Variants in AHCY observed in about 807,000 individuals in gnomAD.
AHCY encodes adenosylhomocysteinase.
AHCY carries 24 observed loss-of-function variants against 45.4 expected under a neutral mutation model. That is an observed-to-expected ratio of 0.53 (90% confidence interval 0.38 to 0.74). AHCY has a LOEUF of 0.74. Ranked by LOEUF, AHCY falls within the 30% of genes least tolerant of loss-of-function variation. The pLI is 0.00. For missense variants in AHCY, 449 were observed against 594.1 expected (o/e 0.76, Z 2.54); for synonymous variants, 245 against 235.1 (o/e 1.04, Z -0.39).
chr20:34,295,275 C>T (rs1438528790), intron 2 of AHCY, 120 bp downstream of exon 2: 1 of 1,218,058 alleles, frequency 8.2e-7, no homozygotes. Context: ...AGGGAGGAAC[C>T]CCTCCAGGCC....
intron 3 of AHCY, chr20:34,293,816 C>A: frequency 1.9e-6 from 1 of 534,490 alleles, no homozygotes; most frequent in Non-Finnish European, 3.4e-6. Flanking sequence ...ACTTCCCCTC[C>A]GCTTCATCAT....
the AHCY span, among the ~76,000 whole-genome samples, chr20:34,258,262 C>T: frequency 4.6e-5 from 7 of 151,456 alleles, no homozygotes; most frequent in African/African-American, 1.2e-4. Context: ...ACAATCTAGA[C>T]GGAGTTGGCA....
chr20:34,284,676 A>G (rs989855605), intron 9 of AHCY, among the ~76,000 whole-genome samples: 5 of 152,170 alleles, frequency 3.3e-5, no homozygotes, highest in Admixed American at 2.0e-4. Flanking sequence ...CAAAAAAATT[A>G]GCCAAGTGTG....
chr20:34,234,435 G>T, the AHCY span, among the ~76,000 whole-genome samples: 1 of 152,112 alleles, frequency 6.6e-6, no homozygotes, highest in Admixed American at 6.6e-5. Flanking sequence ...TGTGGTTGAG[G>T]CCAGGCATCC....
intron 1 of AHCY, 68 bp downstream of exon 1, chr20:34,303,174 GC>G: frequency 6.5e-7 from 1 of 1,547,784 alleles, no homozygotes; most frequent in Non-Finnish European, 8.7e-7. Flanking sequence ...CGGCCCTGCA[GC>G]CCCCGCCACG....
intron 1 of AHCY, among the ~76,000 whole-genome samples, chr20:34,298,606 G>A (rs111753208): frequency 5.5e-4 from 60 of 109,780 alleles, no homozygotes; most frequent in African/African-American, 2.2e-3. Context: ...TGGCGGCGGC[G>A]GGAGGGGGGG....
At chr20:34,235,857 GAAGGAAGGA>G in the AHCY span, among the ~76,000 whole-genome samples, 106 of 45,386 alleles carry the variant, frequency 2.3e-3, 3 homozygotes, top group African/African-American at 0.025. Context: ...AGGAAGGAAG[GAAGGAAGGA>G]AAGGAAGGAA....
chr20:34,268,950 G>A, the AHCY span: 31 of 1,563,624 alleles, frequency 2.0e-5, no homozygotes, highest in South Asian at 3.3e-4. Flanking sequence ...CCGGAGGGGT[G>A]GGCGTGGCCG....
At chr20:34,295,620 C>A (rs2036555073) in intron 1 of AHCY, 35 bp from the exon 2 acceptor site, 2 of 1,606,566 alleles carry the variant, frequency 1.2e-6, no homozygotes, top group Admixed American at 3.4e-5. Context: ...TCCGTGAGTC[C>A]CCTCATCCCA....
At chr20:34,300,895 A>C (rs1202686893) in intron 1 of AHCY, among the ~76,000 whole-genome samples, 1 of 152,192 alleles carries the variant, frequency 6.6e-6, no homozygotes, top group Non-Finnish European at 1.5e-5. Context: ...AATGGAGACA[A>C]TACTACTTTA....
chr20:34,279,464 G>C (rs564010954), downstream of AHCY, among the ~76,000 whole-genome samples: 3 of 151,954 alleles, frequency 2.0e-5, no homozygotes, highest in South Asian at 6.2e-4. Context: ...CTTGCACCAT[G>C]CCTGTCACCC....
At chr20:34,247,932 G>A in the AHCY span, among the ~76,000 whole-genome samples, 3 of 152,178 alleles carry the variant, frequency 2.0e-5, no homozygotes, top group Admixed American at 6.5e-5. Context: ...AAGGCCGGGC[G>A]CAGTGGCACA....
At chr20:34,239,218 A>G in the AHCY span, among the ~76,000 whole-genome samples, 7 of 150,148 alleles carry the variant, frequency 4.7e-5, no homozygotes, top group African/African-American at 1.7e-4. Context: ...TTCTCCTCCC[A>G]ACCCCATGTT....
At chr20:34,259,024 G>A in the AHCY span, among the ~76,000 whole-genome samples, 2 of 148,622 alleles carry the variant, frequency 1.3e-5, no homozygotes, top group Non-Finnish European at 3.0e-5. Context: ...GTAATAGAGT[G>A]AGCCTTCATC....
chr20:34,271,485 T>A, the AHCY span, among the ~76,000 whole-genome samples: 1 of 150,528 alleles, frequency 6.6e-6, no homozygotes, highest in African/African-American at 2.5e-5. Context: ...TGGCCACTGA[T>A]TGATTCAGGA....
the AHCY span, among the ~76,000 whole-genome samples, chr20:34,233,924 C>T: frequency 6.6e-6 from 1 of 152,232 alleles, no homozygotes; most frequent in South Asian, 2.1e-4. Flanking sequence ...CAACACTCTG[C>T]AGCCAGTCAA....
intron 3 of AHCY, chr20:34,293,854 T>C: frequency 1.7e-6 from 1 of 604,278 alleles, no homozygotes; most frequent in Non-Finnish European, 3.0e-6. Context: ...GATCTTGCTC[T>C]TCCTGGTTAC....
chr20:34,263,437 C>A, the AHCY span, among the ~76,000 whole-genome samples: 3 of 151,822 alleles, frequency 2.0e-5, no homozygotes, highest in Admixed American at 6.6e-5. Flanking sequence ...TGGTGGTGGG[C>A]GCCTGTAATC....
Position 34,285,311 on chromosome 20 carries a change from T to C in AHCY, c.1167+129A>G, listed in dbSNP as rs78587278. On this transcript the variant is annotated intron_variant, in intron 9 of 9. Coordinates refer to ENST00000217426, the MANE Select transcript of AHCY (RefSeq NM_000687.4). ...TCAATGGGGAGAATGACTTCTGCACTGTAGAGGACCCCATGAGGGCCTCTA... is the reference window on the plus strand; with the variant it reads ...TCAATGGGGAGAATGACTTCTGCACCGTAGAGGACCCCATGAGGGCCTCTA... 7.6e-4 allele frequency: 746 copies of C among 987,074 alleles called. 11 individuals are homozygous for C. The East Asian group carries it at 0.016, about 21-fold the overall frequency. The allele number at this position is 987,074 out of a possible 1,614,324, so 61.1% of individuals were successfully genotyped here.
Sources: allele counts gnomAD v4.1 joint callset (sites outside exome capture counted in the v4.1 genomes callset), GRCh38; gene constraint gnomAD v4.1.1; transcripts MANE v1.5; gene names NCBI Gene and HGNC (gene_info 2026-07-23, HGNC 2026-07-21).